The following NFIB variants were observed in gnomAD, a reference collection of about 807,000 sequenced individuals.
NFIB encodes the protein nuclear factor 1 B-type.
A neutral mutation model predicts 61.5 loss-of-function variants in NFIB; 11 were observed. The observed-to-expected ratio is 0.18, with a 90% CI of 0.11 to 0.30. The LOEUF (loss-of-function observed/expected upper bound fraction) is 0.30. NFIB is among the 10% of genes least tolerant of loss of function. The pLI is 1.00. For missense variants in NFIB, 471 were observed against 608.9 expected (o/e 0.77, Z 2.38); for synonymous variants, 260 against 216.5 (o/e 1.20, Z -1.76).
intron 4 of NFIB, among the ~76,000 whole-genome samples, chr9:14,152,521 C>G (rs897895535): frequency 6.6e-6 from 1 of 152,048 alleles, no homozygotes; most frequent in Non-Finnish European, 1.5e-5. Flanking sequence ...GTAATGGATA[C>G]AATTCATAGA....
chr9:14,505,465 G>T, the NFIB span, among the ~76,000 whole-genome samples: 1 of 152,262 alleles, frequency 6.6e-6, no homozygotes, highest in Non-Finnish European at 1.5e-5. Context: ...ATGCCAGGAG[G>T]AGGCAGCAGT....
At chr9:14,229,854 T>C (rs2052901430) in intron 2 of NFIB, among the ~76,000 whole-genome samples, 1 of 152,196 alleles carries the variant, frequency 6.6e-6, no homozygotes, top group African/African-American at 2.4e-5. Context: ...GAAAAGCAGA[T>C]GCAATGGCGC....
chr9:14,314,790 A>C (rs1588289716), upstream of NFIB, among the ~76,000 whole-genome samples: 3 of 125,556 alleles, frequency 2.4e-5, no homozygotes, highest in African/African-American at 2.9e-5. Context: ...CAGAACCATG[A>C]CTTTTTTTTT....
chr9:14,453,843 G>A, the NFIB span, among the ~76,000 whole-genome samples: 1 of 152,100 alleles, frequency 6.6e-6, no homozygotes, highest in Non-Finnish European at 1.5e-5. Flanking sequence ...AGCACTTTGG[G>A]AGTCTGAGGC....
At chr9:14,391,674 T>C (rs1209342901) in intron 1 of NFIB, among the ~76,000 whole-genome samples, 1 of 152,080 alleles carries the variant, frequency 6.6e-6, no homozygotes, top group African/African-American at 2.4e-5. Flanking sequence ...TCCAAAGTGC[T>C]GACAGGCCAC....
rs953572189 is a variant in NFIB, at chr9:14,288,992, T to C, written c.562+17997A>G. Among the ~76,000 whole-genome samples, 7 of 151,580 alleles carry C rather than the reference T, an allele frequency of 4.6e-5. 1 individual carries two copies. Among genetic ancestry groups the C allele is most frequent in the African/African-American group, 7.3e-5 (3 of 41,306 alleles). On this transcript the variant is annotated intron_variant, in intron 2 of 10. Coordinates refer to ENST00000380953, the MANE Select transcript of NFIB (RefSeq NM_001190737.2). ...CTATATGATGATACATACGGAATCA[T>C]ATTAAACACATACCAAAATAAAAGG...
intron 2 of NFIB, among the ~76,000 whole-genome samples, chr9:14,238,908 C>A (rs550393633): frequency 1.3e-5 from 2 of 151,912 alleles, no homozygotes; most frequent in Non-Finnish European, 2.9e-5. Context: ...TTTTTTTCTT[C>A]CCTTCTCTGT....
At chr9:14,097,637 CAT>C (rs752573478) in intron 10 of NFIB, among the ~76,000 whole-genome samples, 6 of 152,100 alleles carry the variant, frequency 3.9e-5, no homozygotes, top group African/African-American at 1.2e-4. Context: ...TACACACACA[CAT>C]ATAGATGCAT....
the NFIB span, among the ~76,000 whole-genome samples, chr9:14,420,188 T>G: frequency 1.2e-4 from 19 of 152,232 alleles, no homozygotes; most frequent in African/African-American, 3.9e-4. Flanking sequence ...GGCACACGCC[T>G]GCAATCCCAG....
intron 2 of NFIB, among the ~76,000 whole-genome samples, chr9:14,293,986 T>C (rs1263040395): frequency 2.6e-5 from 4 of 152,230 alleles, no homozygotes; most frequent in African/African-American, 9.6e-5. Context: ...TCCAAAATAA[T>C]TTCATCTTGT....
At chr9:14,431,940 C>T in the NFIB span, among the ~76,000 whole-genome samples, 1 of 152,186 alleles carries the variant, frequency 6.6e-6, no homozygotes, top group African/African-American at 2.4e-5. Flanking sequence ...GGCAACTGAA[C>T]TCATGGGTTG....
chr9:14,310,183 C>G (rs191991449), intron 1 of NFIB, among the ~76,000 whole-genome samples: 1 of 152,264 alleles, frequency 6.6e-6, no homozygotes, highest in African/African-American at 2.4e-5. Context: ...AAATTCTTAG[C>G]AAATGCACAC....
At chr9:14,206,896 T>C (rs902218811) in intron 2 of NFIB, among the ~76,000 whole-genome samples, 5 of 152,130 alleles carry the variant, frequency 3.3e-5, no homozygotes, top group African/African-American at 1.2e-4. Context: ...CACCTACAAA[T>C]GAAAGGATTC....
At chr9:14,427,288 A>T in the NFIB span, among the ~76,000 whole-genome samples, 1 of 152,158 alleles carries the variant, frequency 6.6e-6, no homozygotes, top group African/African-American at 2.4e-5. Flanking sequence ...TAATAATAAT[A>T]CTCATAGTGA....
intron 2 of NFIB, among the ~76,000 whole-genome samples, chr9:14,251,275 T>C (rs557105238): frequency 6.6e-6 from 1 of 152,254 alleles, no homozygotes; most frequent in East Asian, 1.9e-4. Context: ...TACCAACACA[T>C]AACGAAGGAC....
chr9:14,488,152 C>T, the NFIB span, among the ~76,000 whole-genome samples: 1 of 152,084 alleles, frequency 6.6e-6, no homozygotes, highest in African/African-American at 2.4e-5. Flanking sequence ...TTGCTTGAGT[C>T]CAGGAGTTTG....
At chr9:14,471,157 C>T in the NFIB span, among the ~76,000 whole-genome samples, 5 of 152,286 alleles carry the variant, frequency 3.3e-5, no homozygotes, top group Non-Finnish European at 2.9e-5. Flanking sequence ...CTTCTATAAT[C>T]GTAGGAAGCA....
At chr9:14,263,764 G>A (rs1168292502) in intron 2 of NFIB, among the ~76,000 whole-genome samples, 1 of 152,204 alleles carries the variant, frequency 6.6e-6, no homozygotes, top group Non-Finnish European at 1.5e-5. Flanking sequence ...AAACTGAGCT[G>A]CAGACAAATA....
chr9:14,339,873 G>A (rs949228357), intron 1 of NFIB, among the ~76,000 whole-genome samples: 2 of 152,216 alleles, frequency 1.3e-5, no homozygotes, highest in South Asian at 4.1e-4. Context: ...ACATCAGAAA[G>A]ACAGTCGTCA....
Sources: gnomAD v4.1 joint callset for allele counts (sites outside exome capture counted in the v4.1 genomes callset) on GRCh38, gnomAD v4.1.1 for gene constraint, MANE v1.5 for transcripts, NCBI Gene and HGNC (gene_info 2026-07-23, HGNC 2026-07-21) for gene names.